Variants in LGR5 observed in about 807,000 individuals in gnomAD.
The protein encoded by LGR5 is leucine rich repeat containing G protein-coupled receptor 5.
In LGR5, 54 loss-of-function variants were observed where a neutral mutation model predicts 76.7. The ratio of observed to expected loss-of-function variants is 0.70; its 90% CI spans 0.57 to 0.88. LGR5 has a LOEUF of 0.88. Ranked by LOEUF, LGR5 falls within the 40% of genes least tolerant of loss-of-function variation. LGR5 has a pLI of 0.00. For missense variants in LGR5, 1,078 were observed against 1,073.3 expected (o/e 1.00, Z -0.06); for synonymous variants, 406 against 421.9 (o/e 0.96, Z 0.46).
At chr12:71,453,122 G>T (rs1181493448) in intron 1 of LGR5, among the ~76,000 whole-genome samples, 2 of 152,132 alleles carry the variant, frequency 1.3e-5, no homozygotes, top group East Asian at 1.9e-4. Context: ...CAGCAGAAAG[G>T]CACCTACTAG....
At chr12:71,458,211 T>C in intron 1 of LGR5, among the ~76,000 whole-genome samples, 1 of 152,160 alleles carries the variant, frequency 6.6e-6, no homozygotes, top group East Asian at 1.9e-4. Flanking sequence ...AACCCTACTG[T>C]AAACTTAATT....
chr12:71,566,382 T>C, intron 8 of LGR5, 22 bp from the exon 9 acceptor site: 1 of 1,475,588 alleles, frequency 6.8e-7, no homozygotes, highest in Non-Finnish European at 9.4e-7. Flanking sequence ...AAGATATTAA[T>C]TGCTGTTTGG....
chr12:71,497,687 C>G (rs1453418340), intron 1 of LGR5, among the ~76,000 whole-genome samples: 9 of 152,126 alleles, frequency 5.9e-5, no homozygotes, highest in African/African-American at 1.9e-4. Flanking sequence ...CCATTGTTGT[C>G]AAAGGTATCT....
intron 1 of LGR5, among the ~76,000 whole-genome samples, chr12:71,456,891 T>C (rs982855356): frequency 3.3e-5 from 5 of 152,126 alleles, no homozygotes; most frequent in African/African-American, 9.7e-5. Flanking sequence ...AAGGTAAAGA[T>C]ATATCTTTCC....
intron 2 of LGR5, among the ~76,000 whole-genome samples, chr12:71,514,899 A>C (rs1445325840): frequency 6.6e-6 from 1 of 152,160 alleles, no homozygotes; most frequent in African/African-American, 2.4e-5. Flanking sequence ...TTTTTCAAGG[A>C]GTATTAGGAA....
chr12:71,564,769 T>TAC (rs1565761675), intron 8 of LGR5, among the ~76,000 whole-genome samples: 34 of 146,596 alleles, frequency 2.3e-4, no homozygotes, highest in African/African-American at 7.5e-4. Flanking sequence ...TACATATATG[T>TAC]ACACACTGCA....
At chr12:71,527,894 T>C (rs184811824) in intron 3 of LGR5, among the ~76,000 whole-genome samples, 114 of 152,364 alleles carry the variant, frequency 7.5e-4, no homozygotes, top group Admixed American at 2.0e-3. Flanking sequence ...TGTAGCAAGC[T>C]GTCCTGCAAT....
intron 1 of LGR5, among the ~76,000 whole-genome samples, chr12:71,492,378 C>T (rs1874113214): frequency 6.6e-6 from 1 of 152,128 alleles, no homozygotes; most frequent in Non-Finnish European, 1.5e-5. Context: ...ACTAGTTCAG[C>T]ATTTCAACTG....
At chr12:71,479,884 T>C (rs1873509125) in intron 1 of LGR5, among the ~76,000 whole-genome samples, 1 of 152,150 alleles carries the variant, frequency 6.6e-6, no homozygotes, top group African/African-American at 2.4e-5. Flanking sequence ...GTTCAAGCAT[T>C]CAGGGCCCTG....
intron 4 of LGR5, among the ~76,000 whole-genome samples, chr12:71,538,611 T>C (rs1296572990): frequency 6.6e-6 from 1 of 152,222 alleles, no homozygotes; most frequent in Non-Finnish European, 1.5e-5. Context: ...TCAGATGATC[T>C]GCAAAGTATT....
intron 6 of LGR5, among the ~76,000 whole-genome samples, chr12:71,556,929 G>A (rs1186971574): frequency 6.6e-6 from 1 of 152,144 alleles, no homozygotes; most frequent in African/African-American, 2.4e-5. Flanking sequence ...AATTAAATGA[G>A]ATGTTCTCTA....
At chr12:71,453,260 G>T (rs558787730) in intron 1 of LGR5, among the ~76,000 whole-genome samples, 1 of 152,260 alleles carries the variant, frequency 6.6e-6, no homozygotes, top group South Asian at 2.1e-4. Flanking sequence ...AAGATTATGA[G>T]TTTTAAATGA....
intron 4 of LGR5, among the ~76,000 whole-genome samples, chr12:71,549,757 T>C (rs11178845): frequency 0.12 from 18,333 of 152,102 alleles, 1,549 homozygotes; most frequent in East Asian, 0.43. Flanking sequence ...AACTGTTTAG[T>C]AGAGAGATGT....
At chr12:71,550,610 A>G (rs1877432341) in intron 4 of LGR5, among the ~76,000 whole-genome samples, 1 of 151,740 alleles carries the variant, frequency 6.6e-6, no homozygotes. Context: ...ACAGATGTGC[A>G]TCACCACACC....
At chr12:71,467,032 T>G (rs566952031) in intron 1 of LGR5, among the ~76,000 whole-genome samples, 1 of 152,014 alleles carries the variant, frequency 6.6e-6, no homozygotes, top group African/African-American at 2.4e-5. Context: ...ACAAAAATAG[T>G]CATCATTTAT....
chr12:71,491,183 C>T (rs1874055522), intron 1 of LGR5, among the ~76,000 whole-genome samples: 1 of 152,166 alleles, frequency 6.6e-6, no homozygotes, highest in Non-Finnish European at 1.5e-5. Context: ...CATTAAACCT[C>T]TTTTTCTTTA....
At chr12:71,553,412 C>G in intron 5 of LGR5, 124 bp downstream of exon 5, 1 of 738,142 alleles carries the variant, frequency 1.4e-6, no homozygotes, top group Non-Finnish European at 2.3e-6. Flanking sequence ...CCTCCTGAGC[C>G]CCTCCCCAAA....
chr12:71,536,946 A>C (rs942945222), intron 4 of LGR5, among the ~76,000 whole-genome samples: 1 of 152,328 alleles, frequency 6.6e-6, no homozygotes, highest in Non-Finnish European at 1.5e-5. Flanking sequence ...GAAAAGGTCA[A>C]GGGTTAACTT....
chr12:71,547,815 C>T (rs1033207620), intron 4 of LGR5, among the ~76,000 whole-genome samples: 1 of 152,178 alleles, frequency 6.6e-6, no homozygotes, highest in Non-Finnish European at 1.5e-5. Flanking sequence ...CCATGTTTGC[C>T]AGGCTGGTCT....
Sources: allele counts gnomAD v4.1 joint callset (sites outside exome capture counted in the v4.1 genomes callset), GRCh38; gene constraint gnomAD v4.1.1; transcripts MANE v1.5; gene names NCBI Gene and HGNC (gene_info 2026-07-23, HGNC 2026-07-21).